The following NTM variants were observed in gnomAD, a reference collection of about 807,000 sequenced individuals.
NTM encodes the protein IgLON family member 2.
In NTM, 13 loss-of-function variants were observed where a neutral mutation model predicts 42.1. That is an observed-to-expected ratio of 0.31 (90% CI 0.20 to 0.49). NTM has a LOEUF of 0.49. Among genes scored for constraint, NTM ranks in the 20% least tolerant of loss-of-function variants. NTM has a pLI of 0.99. For missense variants in NTM, 373 were observed against 452.8 expected (o/e 0.82, Z 1.60); for synonymous variants, 187 against 179.2 (o/e 1.04, Z -0.35).
Position 131,370,838 on chromosome 11 carries a change from CTA to C in NTM, c.34_35del (p.Ile12LeufsTer48). On this transcript the variant is annotated frameshift_variant, in exon 1 of 9. Coordinates refer to ENST00000683400, the MANE Select transcript of NTM (RefSeq NM_001352005.2). LOFTEE classifies it high-confidence loss of function. ...ACCATCCAGCCAAAAATGCACAATT[CTA>C]TCTCTTGGGCAATCTTCACGGGGCT... The C allele has an allele frequency of 6.2e-7, 1 of 1,614,104 alleles. No homozygotes were observed.
chr11:131,536,947 C>T (rs555071170), intron 1 of NTM: 1 of 152,154 alleles, frequency 6.6e-6, no homozygotes, highest in East Asian at 1.9e-4. Flanking sequence ...TGAGTGGCAT[C>T]CCTCTGCCCA....
At chr11:131,680,625 G>C (rs1193662917) in intron 1 of NTM, among the ~76,000 whole-genome samples, 15 of 152,100 alleles carry the variant, frequency 9.9e-5, no homozygotes, top group African/African-American at 3.1e-4. Context: ...GTCTGTGAGT[G>C]CCTGTGTGTG....
At chr11:131,848,801 C>A (rs1475787215) in intron 1 of NTM, among the ~76,000 whole-genome samples, 1 of 152,148 alleles carries the variant, frequency 6.6e-6, no homozygotes, top group African/African-American at 2.4e-5. Context: ...CAAACCTTCT[C>A]CTCCAAGTCC....
At chr11:131,706,792 A>G (rs1407552492) in intron 1 of NTM, among the ~76,000 whole-genome samples, 1 of 152,024 alleles carries the variant, frequency 6.6e-6, no homozygotes, top group Non-Finnish European at 1.5e-5. Flanking sequence ...ACAAACAAAC[A>G]TGAAAACATA....
At chr11:131,883,676 C>G (rs944188629) in intron 1 of NTM, among the ~76,000 whole-genome samples, 2 of 152,164 alleles carry the variant, frequency 1.3e-5, no homozygotes, top group Non-Finnish European at 2.9e-5. Flanking sequence ...AGTTTACGAA[C>G]TCGGTGTCTG....
intron 2 of NTM, among the ~76,000 whole-genome samples, chr11:131,945,638 A>G (rs1277656379): frequency 6.6e-6 from 1 of 152,192 alleles, no homozygotes; most frequent in African/African-American, 2.4e-5. Context: ...TAACCCAAAT[A>G]ACTCATCAGC....
intron 3 of NTM, among the ~76,000 whole-genome samples, chr11:132,168,168 A>G (rs1026737053): frequency 6.6e-6 from 1 of 152,192 alleles, no homozygotes; most frequent in Non-Finnish European, 1.5e-5. Flanking sequence ...CTTGTACTAA[A>G]TATGTCTATT....
chr11:131,461,185 CA>C (rs1951342428), intron 1 of NTM, among the ~76,000 whole-genome samples: 1 of 152,186 alleles, frequency 6.6e-6, no homozygotes, highest in South Asian at 2.1e-4. Flanking sequence ...TGTGGGCAAT[CA>C]CTGTTACTTT....
intron 4 of NTM, among the ~76,000 whole-genome samples, chr11:132,281,053 T>A (rs1392698008): frequency 6.6e-6 from 1 of 152,242 alleles, no homozygotes; most frequent in Non-Finnish European, 1.5e-5. Context: ...ATTTTTATAA[T>A]GAGCATAAAT....
chr11:131,758,441 G>C (rs572078289), intron 1 of NTM, among the ~76,000 whole-genome samples: 1 of 152,264 alleles, frequency 6.6e-6, no homozygotes, highest in East Asian at 1.9e-4. Context: ...TTTAATGAGA[G>C]AGGAGAGGGA....
chr11:131,692,288 C>G (rs886599166), intron 1 of NTM, among the ~76,000 whole-genome samples: 20 of 152,140 alleles, frequency 1.3e-4, no homozygotes, highest in African/African-American at 4.1e-4. Context: ...CTGAGTGATG[C>G]TGACACAGGG....
At chr11:131,735,833 A>G (rs2080341959) in intron 1 of NTM, among the ~76,000 whole-genome samples, 1 of 130,992 alleles carries the variant, frequency 7.6e-6, no homozygotes, top group Non-Finnish European at 1.6e-5. Context: ...TTCCATTCAT[A>G]AGGTGTGTGT....
intron 1 of NTM, chr11:131,794,600 A>G: frequency 1.0e-6 from 1 of 981,064 alleles, no homozygotes; most frequent in Non-Finnish European, 1.2e-6. Context: ...ATAGACCGAC[A>G]CAAAATAAGT....
Position 131,723,911 on chromosome 11 carries a change from C to T in NTM, c.83-187653C>T, listed in dbSNP as rs58530259. On this transcript the variant is annotated intron_variant, in intron 1 of 8. Coordinates refer to ENST00000683400, the MANE Select transcript of NTM (RefSeq NM_001352005.2). ...GAAAGAGAGATTTGTAAAGATATTG[C>T]GTCTATCTGCTAAGAAGGCCTAGAG... Among the ~76,000 whole-genome samples the T allele has an allele frequency of 9.0e-3, 1,363 of 152,144 alleles. 13 individuals carry two copies. Among genetic ancestry groups the T allele is most frequent in the African/African-American group, 0.03 (1,262 of 41,502 alleles).
At chr11:131,826,937 A>G (rs1394631715) in intron 1 of NTM, among the ~76,000 whole-genome samples, 2 of 152,142 alleles carry the variant, frequency 1.3e-5, no homozygotes, top group Non-Finnish European at 2.9e-5. Flanking sequence ...GCTGGAGTGC[A>G]GAAGAAAGGT....
At chr11:132,038,189 A>G (rs2076738978) in intron 2 of NTM, among the ~76,000 whole-genome samples, 1 of 152,234 alleles carries the variant, frequency 6.6e-6, no homozygotes, top group Admixed American at 6.5e-5. Context: ...GTTCCGACAC[A>G]GGTGACTGAA....
At chr11:131,691,178 G>A (rs1196756292) in intron 1 of NTM, among the ~76,000 whole-genome samples, 7 of 152,272 alleles carry the variant, frequency 4.6e-5, no homozygotes, top group African/African-American at 1.4e-4. Flanking sequence ...GCCACCCCCG[G>A]CCCTGCACCC....
chr11:132,053,482 A>G (rs2079150894), intron 2 of NTM, among the ~76,000 whole-genome samples: 1 of 152,064 alleles, frequency 6.6e-6, no homozygotes, highest in African/African-American at 2.4e-5. Flanking sequence ...TGCTACAGAG[A>G]CTCTCTAGTC....
At chr11:131,874,714 AATGT>A (rs1203811828) in intron 1 of NTM, among the ~76,000 whole-genome samples, 1 of 152,188 alleles carries the variant, frequency 6.6e-6, no homozygotes, top group Non-Finnish European at 1.5e-5. Flanking sequence ...AGTTCATCTA[AATGT>A]AAGGAATAAT....
Sources: gnomAD v4.1 joint callset for allele counts (sites outside exome capture counted in the v4.1 genomes callset) on GRCh38, gnomAD v4.1.1 for gene constraint, MANE v1.5 for transcripts, NCBI Gene and HGNC (gene_info 2026-07-23, HGNC 2026-07-21) for gene names.